Variants in PDZK1IP1 observed in about 807,000 individuals in gnomAD.
PDZK1IP1 encodes PDZK1 interacting protein 1, also known as PDZK1-interacting protein 1.
A neutral mutation model predicts 14.7 loss-of-function variants in PDZK1IP1; 9 were observed. The observed-to-expected ratio is 0.61, with a 90% CI of 0.37 to 1.07. The LOEUF (loss-of-function observed/expected upper bound fraction) is 1.07. Among genes scored for constraint, PDZK1IP1 ranks in the 50% least tolerant of loss-of-function variants. PDZK1IP1 has a pLI of 0.01. For missense variants in PDZK1IP1, 152 were observed against 148.7 expected (o/e 1.02, Z -0.11); for synonymous variants, 70 against 61.2 (o/e 1.14, Z -0.67).
chr1:47,187,097 C>A (rs932159669), intron 2 of PDZK1IP1, among the ~76,000 whole-genome samples: 14 of 152,330 alleles, frequency 9.2e-5, no homozygotes, highest in African/African-American at 3.4e-4. Flanking sequence ...AGCTGTGGGG[C>A]CCACAGTGCC....
intron 2 of PDZK1IP1, among the ~76,000 whole-genome samples, chr1:47,186,478 G>A (rs532831324): frequency 4.6e-5 from 7 of 152,340 alleles, no homozygotes; most frequent in African/African-American, 1.7e-4. Flanking sequence ...AGCCACTGGG[G>A]TTTCCTCAGC....
intron 2 of PDZK1IP1, chr1:47,185,438 A>G (rs956297755): frequency 3.4e-6 from 1 of 294,914 alleles, no homozygotes; most frequent in African/African-American, 2.2e-5. Flanking sequence ...GTGGGCACAG[A>G]TGTGGTTGGT....
Position 47,189,895 on chromosome 1 carries a change from G to T in PDZK1IP1, c.38C>A (p.Thr13Lys), listed in dbSNP as rs11552560. ...CTGACAGCTGGCAGGTGGCACTGCC[G>T]TGAGCAGGCCCAGAATGAGGAGGCT... ...ALSLLILGLL[T>K]AVPPASCQQG... Residue 13 changes from threonine (T) to lysine (K), a missense_variant, in exon 1 of 4, where the codon ACG becomes AAG. Transcript: ENST00000294338. The T allele has an allele frequency of 6.3e-7, 1 of 1,597,032 alleles. No individual in the cohort carries two copies. Among genetic ancestry groups the T allele is most frequent in the Admixed American group, 1.7e-5 (1 of 59,648 alleles).
intron 2 of PDZK1IP1, among the ~76,000 whole-genome samples, chr1:47,186,374 C>T (rs1001391046): frequency 2.6e-5 from 4 of 152,142 alleles, no homozygotes; most frequent in South Asian, 2.1e-4. Flanking sequence ...AAGTCCAAAG[C>T]TCAGGTCATT....
chr1:47,188,547 A>G (rs1039098037), intron 1 of PDZK1IP1, among the ~76,000 whole-genome samples: 8 of 152,222 alleles, frequency 5.3e-5, no homozygotes, highest in Non-Finnish European at 8.8e-5. Flanking sequence ...ATATACCTGC[A>G]TCCCTATATT....
In PDZK1IP1 at chr1:47,184,007, G is replaced by C. The variant is rs767138184; in HGVS notation, c.309C>G (p.Pro103=). 1.9e-6 allele frequency: 3 copies of C among 1,598,198 alleles called. No individual in the cohort carries two copies. The South Asian group carries it at 3.4e-5, about 18-fold the overall frequency. ...TGCTGCGGACCTTGCCTTCCTCCTC[G>C]GGCACATTCTCATAGGCATTCTCAT... ...SEHENAYENV[P]EEEGKVRSTP... Residue 103 remains proline, a synonymous_variant, in exon 4 of 4, where the codon CCC becomes CCG. Transcript: ENST00000294338.
rs1434518161 is a variant in PDZK1IP1, at chr1:47,185,049, G to A, written c.225C>T (p.Val75=). The A allele has an allele frequency of 6.2e-7, 1 of 1,613,328 alleles. No individual in the cohort carries two copies. Among genetic ancestry groups the A allele is most frequent in the African/African-American group, 1.3e-5 (1 of 74,908 alleles). ...AGTACCTTCCATCTGTTCCCACCAG[G>A]ACTCCATCTGCCTTGTTTCCGACGG... The part of the protein sequence containing the change: ...ILTVGNKADG[V]LVGTDGRYSS... Residue 75 remains valine, a synonymous_variant, in exon 3 of 4, where the codon GTC becomes GTT. Transcript: ENST00000294338.
At chr1:47,185,876 C>G (rs908389897) in intron 2 of PDZK1IP1, among the ~76,000 whole-genome samples, 1 of 152,130 alleles carries the variant, frequency 6.6e-6, no homozygotes, top group Admixed American at 6.5e-5. Flanking sequence ...AGTCCAGACC[C>G]CCTCCTGACC....
intron 2 of PDZK1IP1, among the ~76,000 whole-genome samples, chr1:47,186,901 G>T (rs1309203955): frequency 1.3e-5 from 2 of 152,162 alleles, no homozygotes; most frequent in Admixed American, 1.3e-4. Context: ...AGCCTGTGAG[G>T]GCAGGAGGTG....
At chr1:47,189,751 G>A in intron 1 of PDZK1IP1, 115 bp downstream of exon 1, 1 of 684,230 alleles carries the variant, frequency 1.5e-6, no homozygotes, top group Non-Finnish European at 2.3e-6. Context: ...CTTTCAGCTA[G>A]CGCAGTCCCT....
At chr1:47,188,972 G>T (rs1645336625) in intron 1 of PDZK1IP1, among the ~76,000 whole-genome samples, 1 of 152,188 alleles carries the variant, frequency 6.6e-6, no homozygotes, top group Admixed American at 6.5e-5. Context: ...CACAGTCCCT[G>T]CTCCTCCTCC....
chr1:47,185,530 G>A (rs899731244), intron 2 of PDZK1IP1, among the ~76,000 whole-genome samples: 2 of 152,136 alleles, frequency 1.3e-5, no homozygotes, highest in African/African-American at 4.8e-5. Flanking sequence ...TCTTACTCAA[G>A]TTTAAACCCC....
At chr1:47,187,017 G>A (rs1024109801) in intron 2 of PDZK1IP1, among the ~76,000 whole-genome samples, 1 of 152,142 alleles carries the variant, frequency 6.6e-6, no homozygotes. Flanking sequence ...CGCTATCCTG[G>A]CTCTGCGGAA....
chr1:47,183,725 T>C lies in PDZK1IP1; in HGVS notation c.*246A>G, dbSNP rs1458620861. On this transcript the variant is annotated 3_prime_UTR_variant, in exon 4 of 4. Transcript: ENST00000294338. ...AGGATGGGAGGTGCTCAGCTGACTG[T>C]CCTCTCCAGAAGGCTCTTCTGAGCT... The C allele has an allele frequency of 1.8e-6, 1 of 562,360 alleles. No homozygotes were observed. The highest frequency in any genetic ancestry group is 3.2e-6 in the Non-Finnish European group (1 of 315,882). 34.8% of individuals were successfully genotyped at this position (562,360 alleles called of 1,614,324 possible).
intron 1 of PDZK1IP1, among the ~76,000 whole-genome samples, chr1:47,188,091 C>G (rs148873671): frequency 6.6e-6 from 1 of 152,340 alleles, no homozygotes; most frequent in African/African-American, 2.4e-5. Context: ...AAAACCTGAG[C>G]TCCTTTTGAT....
chr1:47,189,714 G>A (rs996098710), intron 1 of PDZK1IP1, 152 bp downstream of exon 1: 5 of 548,840 alleles, frequency 9.1e-6, no homozygotes, highest in Non-Finnish European at 1.6e-5. Flanking sequence ...CAGAGACTTG[G>A]TTCAGAGGTC....
chr1:47,188,767 A>G lies in PDZK1IP1; in HGVS notation c.67+1099T>C, dbSNP rs200851793. 3.0e-4 allele frequency among the ~76,000 whole-genome samples: 45 copies of G among 152,312 alleles called. No individual in the cohort carries two copies. In the East Asian group the frequency reaches 5.4e-3, roughly 18 times the overall value. ...CACTTATCTCCAGGGGAAGCAGAAGACACACAGTGTGATTACCCTCAGTTC... is the reference window on the plus strand; with the variant it reads ...CACTTATCTCCAGGGGAAGCAGAAGGCACACAGTGTGATTACCCTCAGTTC... On this transcript the variant is annotated intron_variant, in intron 1 of 3. Transcript: ENST00000294338.
At chr1:47,184,547 C>CCCATCCCCCACTGAA (rs1645306571) in intron 3 of PDZK1IP1, among the ~76,000 whole-genome samples, 1 of 4,818 alleles carries the variant, frequency 2.1e-4, no homozygotes, top group Non-Finnish European at 3.5e-4. Context: ...CCCCACTGAG[C>CCCATCCCCCACTGAA]TCCATCCCCC....
At chr1:47,188,557 T>G (rs1645333868) in intron 1 of PDZK1IP1, among the ~76,000 whole-genome samples, 1 of 152,166 alleles carries the variant, frequency 6.6e-6, no homozygotes. Flanking sequence ...ATCCCTATAT[T>G]TTGAGGGACC....
Sources: gnomAD v4.1 joint callset for allele counts (sites outside exome capture counted in the v4.1 genomes callset) on GRCh38, gnomAD v4.1.1 for gene constraint, MANE v1.5 for transcripts, NCBI Gene and HGNC (gene_info 2026-07-23, HGNC 2026-07-21) for gene names.